Variants in GMDS observed in about 807,000 individuals in gnomAD.
GMDS encodes GDP-mannose 4,6 dehydratase.
In GMDS, 20 loss-of-function variants were observed where a neutral mutation model predicts 49.9. That is an observed-to-expected ratio of 0.40 (90% confidence interval 0.28 to 0.58). The LOEUF (loss-of-function observed/expected upper bound fraction) is 0.58, where lower values mean the gene tolerates loss of function less well. Ranked by LOEUF, GMDS falls within the 20% of genes least tolerant of loss-of-function variation. The pLI, the probability that GMDS is intolerant of heterozygous loss-of-function variation, is 0.42. For synonymous variants in GMDS, 177 were observed against 178.6 expected (o/e 0.99, Z 0.07); for missense variants, 362 against 481.4 (o/e 0.75, Z 2.32).
intron 6 of GMDS, among the ~76,000 whole-genome samples, chr6:1,957,316 A>G (rs572907437): frequency 6.6e-6 from 1 of 152,332 alleles, no homozygotes; most frequent in Admixed American, 6.5e-5. Flanking sequence ...CTGGAGATGT[A>G]TGAATACAAC....
At chr6:2,176,773 C>T (rs142894179) in intron 1 of GMDS, among the ~76,000 whole-genome samples, 12 of 152,266 alleles carry the variant, frequency 7.9e-5, no homozygotes, top group South Asian at 4.1e-4. Context: ...TAATTGCTTC[C>T]TTCCCTGCAG....
rs148112593 is a variant in GMDS, at chr6:1,772,485, C to T, written c.772-29899G>A. On this transcript the variant is annotated intron_variant, in intron 7 of 10. Transcript: ENST00000380815. ...TTTCACTGGGTACTGGAACTGCATC[C>T]AACAATGGTTAGACATTTTACAAAT... 2.1e-3 allele frequency among the ~76,000 whole-genome samples: 317 copies of T among 152,214 alleles called. 2 individuals carry two copies. Among genetic ancestry groups the T allele is most frequent in the African/African-American group, 5.9e-3 (244 of 41,508 alleles).
chr6:1,864,848 A>G (rs1184151242), intron 7 of GMDS, among the ~76,000 whole-genome samples: 1 of 151,930 alleles, frequency 6.6e-6, no homozygotes, highest in Non-Finnish European at 1.5e-5. Flanking sequence ...CAAAGCAGAG[A>G]AAGACCCCAA....
intron 4 of GMDS, among the ~76,000 whole-genome samples, chr6:2,012,520 A>T (rs1426911412): frequency 1.3e-5 from 2 of 152,232 alleles, no homozygotes; most frequent in Non-Finnish European, 2.9e-5. Context: ...GTTTACCACT[A>T]GTCCTCACAA....
At chr6:1,775,523 A>G (rs1440126037) in intron 7 of GMDS, among the ~76,000 whole-genome samples, 3 of 152,228 alleles carry the variant, frequency 2.0e-5, no homozygotes, top group East Asian at 3.9e-4. Context: ...CTCACTGGAC[A>G]TGATGTGCTT....
At chr6:2,132,641 T>C (rs1581693989) in intron 1 of GMDS, among the ~76,000 whole-genome samples, 1 of 152,308 alleles carries the variant, frequency 6.6e-6, no homozygotes, top group East Asian at 1.9e-4. Flanking sequence ...TATGAAATAC[T>C]ACCACACTGA....
intron 4 of GMDS, among the ~76,000 whole-genome samples, chr6:2,006,526 T>A (rs886772150): frequency 6.6e-6 from 1 of 152,208 alleles, no homozygotes; most frequent in Non-Finnish European, 1.5e-5. Context: ...TCTCTGCTCA[T>A]AATTACTATG....
chr6:1,783,601 C>A (rs537942299), intron 7 of GMDS, among the ~76,000 whole-genome samples: 3 of 152,322 alleles, frequency 2.0e-5, no homozygotes, highest in East Asian at 1.9e-4. Flanking sequence ...AAAATGCACA[C>A]TGAATAAATT....
chr6:2,158,832 CCA>C (rs1350699366), intron 1 of GMDS, among the ~76,000 whole-genome samples: 1 of 152,208 alleles, frequency 6.6e-6, no homozygotes, highest in Non-Finnish European at 1.5e-5. Context: ...TGCTTCCTCC[CCA>C]CAGTGTCCAC....
At chr6:1,691,698 T>G (rs1765180111) in intron 9 of GMDS, among the ~76,000 whole-genome samples, 1 of 152,178 alleles carries the variant, frequency 6.6e-6, no homozygotes, top group African/African-American at 2.4e-5. Context: ...CCTAACAGCT[T>G]TATTAAGGTA....
intron 4 of GMDS, among the ~76,000 whole-genome samples, chr6:1,978,047 A>G (rs1396540414): frequency 6.6e-6 from 1 of 152,140 alleles, no homozygotes; most frequent in Non-Finnish European, 1.5e-5. Flanking sequence ...CCAGCTGGCC[A>G]CCAGCAACAG....
At chr6:2,126,839 G>A (rs765493624) in intron 1 of GMDS, among the ~76,000 whole-genome samples, 12 of 151,986 alleles carry the variant, frequency 7.9e-5, no homozygotes, top group Non-Finnish European at 2.9e-5. Context: ...TCACCATGTT[G>A]GCCAGGCTGA....
In GMDS at chr6:2,214,274, T is replaced by C. The variant is rs1352755834; in HGVS notation, c.102+31047A>G. The stretch of plus-strand genomic sequence containing the variant: ...CTGGTAAAGAAAAATAACTGATCAT[T>C]TATTTTGCCTTTTCTATACCTCAGA... On this transcript the variant is annotated intron_variant, in intron 1 of 10. Coordinates refer to ENST00000380815, the MANE Select transcript of GMDS (RefSeq NM_001500.4). Among the ~76,000 whole-genome samples, 7 of 152,186 alleles carry C rather than the reference T, an allele frequency of 4.6e-5. No homozygotes were observed. In the East Asian group the frequency reaches 1.3e-3, roughly 29 times the overall value.
At chr6:2,073,238 CA>C (rs1475839328) in intron 4 of GMDS, among the ~76,000 whole-genome samples, 1 of 152,178 alleles carries the variant, frequency 6.6e-6, no homozygotes, top group Non-Finnish European at 1.5e-5. Context: ...ATCATCGTGG[CA>C]TCCTGGAAAG....
At chr6:2,020,307 TAAATA>T (rs1768199545) in intron 4 of GMDS, among the ~76,000 whole-genome samples, 1 of 151,788 alleles carries the variant, frequency 6.6e-6, no homozygotes, top group African/African-American at 2.4e-5. Flanking sequence ...TATGCCTATA[TAAATA>T]AATAAAATAA....
At chr6:2,035,672 A>T (rs963021738) in intron 4 of GMDS, among the ~76,000 whole-genome samples, 11 of 151,822 alleles carry the variant, frequency 7.2e-5, no homozygotes, top group Admixed American at 1.3e-4. Context: ...AGAGTAACTT[A>T]TTTATTTATA....
At chr6:1,723,965 A>G (rs963834696) in intron 9 of GMDS, among the ~76,000 whole-genome samples, 1 of 152,124 alleles carries the variant, frequency 6.6e-6, no homozygotes, top group East Asian at 1.9e-4. Flanking sequence ...TTACCTTTCA[A>G]CTGGAAGAAT....
At chr6:2,055,255 A>G (rs1320302063) in intron 4 of GMDS, among the ~76,000 whole-genome samples, 1 of 148,868 alleles carries the variant, frequency 6.7e-6, no homozygotes, top group African/African-American at 2.6e-5. Flanking sequence ...CCCAGAGAAG[A>G]AAAAAAAAGA....
At chr6:1,806,073 G>A (rs1174841370) in intron 7 of GMDS, among the ~76,000 whole-genome samples, 3 of 152,120 alleles carry the variant, frequency 2.0e-5, no homozygotes, top group Non-Finnish European at 4.4e-5. Context: ...GAGCCAAGGA[G>A]TTTGAGTCCA....
Sources: allele counts gnomAD v4.1 joint callset (sites outside exome capture counted in the v4.1 genomes callset), GRCh38; gene constraint gnomAD v4.1.1; transcripts MANE v1.5; gene names NCBI Gene and HGNC (gene_info 2026-07-23, HGNC 2026-07-21).